Variants in ENOPH1 observed in about 807,000 individuals in gnomAD.
ENOPH1 encodes enolase-phosphatase E1.
In ENOPH1, 14 loss-of-function variants were observed where a neutral mutation model predicts 31.1. The ratio of observed to expected loss-of-function variants is 0.45; its 90% CI spans 0.30 to 0.70. The LOEUF is 0.70. Among genes scored for constraint, ENOPH1 ranks in the 30% least tolerant of loss-of-function variants. The pLI, the probability that ENOPH1 is intolerant of heterozygous loss-of-function variation, is 0.09. For synonymous variants in ENOPH1, 127 were observed against 123.2 expected (o/e 1.03, Z -0.21); for missense variants, 243 against 321.5 (o/e 0.76, Z 1.87).
At chr4:82,454,620 C>T in intron 3 of ENOPH1, 102 bp from the exon 4 acceptor site, 1 of 1,309,588 alleles carries the variant, frequency 7.6e-7, no homozygotes, top group Non-Finnish European at 1.0e-6. Context: ...CTCAGGTTAC[C>T]ATGTGGGCAC....
At chr4:82,431,710 C>T (rs183050794) in intron 1 of ENOPH1, among the ~76,000 whole-genome samples, 75 of 152,166 alleles carry the variant, frequency 4.9e-4, no homozygotes, top group Non-Finnish European at 9.4e-4. Flanking sequence ...TTCCTCGGGC[C>T]TTGTCTTTTT....
chr4:82,450,805 C>T lies in ENOPH1; in HGVS notation c.187-238C>T, dbSNP rs542967739. On this transcript the variant is annotated intron_variant, in intron 2 of 5. Coordinates refer to ENST00000273920, the MANE Select transcript of ENOPH1 (RefSeq NM_021204.5). Reference sequence around the variant, plus strand: ...ATTATGTGCTCTCTCTTCTCATATACAACATGCGTCTCAGTTTAAATTTCA... The same window carrying T: ...ATTATGTGCTCTCTCTTCTCATATATAACATGCGTCTCAGTTTAAATTTCA... Among the ~76,000 whole-genome samples the T allele has an allele frequency of 1.2e-3, 176 of 152,320 alleles. 1 individual carries two copies. Among genetic ancestry groups the T allele is most frequent in the Non-Finnish European group, 2.3e-3 (155 of 68,018 alleles).
intron 1 of ENOPH1, among the ~76,000 whole-genome samples, chr4:82,443,853 TTTTA>T (rs1722106128): frequency 6.6e-6 from 1 of 152,032 alleles, no homozygotes; most frequent in African/African-American, 2.4e-5. Context: ...AGGGCTTTTG[TTTTA>T]TTTATTATTT....
chr4:82,451,718 T>C (rs1321194876), intron 3 of ENOPH1, among the ~76,000 whole-genome samples: 1 of 152,212 alleles, frequency 6.6e-6, no homozygotes, highest in East Asian at 1.9e-4. Context: ...CACAGATTCT[T>C]TGAGTCTTGG....
At position 82,439,145 on chromosome 4, in the gene ENOPH1, T is replaced by C. The variant is rs562868454; in HGVS notation, c.84+8232T>C. 5.9e-5 allele frequency among the ~76,000 whole-genome samples: 9 copies of C among 152,332 alleles called. No homozygotes were observed. In the South Asian group the frequency reaches 1.0e-3, roughly 18 times the overall value. On this transcript the variant is annotated intron_variant, in intron 1 of 5. Coordinates refer to ENST00000273920, the MANE Select transcript of ENOPH1 (RefSeq NM_021204.5). Reference sequence around the variant, plus strand: ...ACCATTTCAGGAAAATGGGTTTCTTTTCAAAGACAGAATGTCTTTAGGACA... The same window carrying C: ...ACCATTTCAGGAAAATGGGTTTCTTCTCAAAGACAGAATGTCTTTAGGACA...
At position 82,447,938 on chromosome 4, in the gene ENOPH1, A is replaced by C; in HGVS notation, c.103A>C (p.Ile35Leu). The C allele has an allele frequency of 3.1e-6, 5 of 1,607,996 alleles. No individual in the cohort carries two copies. Among genetic ancestry groups the C allele is most frequent in the Non-Finnish European group, 4.2e-6 (5 of 1,176,520 alleles). Residue 35 changes from isoleucine to leucine, a missense_variant, in exon 2 of 6, where the codon ATC becomes CTC. By Grantham distance (5) the Ile-to-Leu change is conservative. Coordinates refer to ENST00000273920, the MANE Select transcript of ENOPH1 (RefSeq NM_021204.5). ...TATCCAGGACATTTTATTTCCTTAC[A>C]TCGAAGAAAATGTTAAAGAGTATCT... ...AFVKDILFPY[I>L]EENVKEYLQT... is the part of the protein sequence containing the mutation.
chr4:82,443,162 C>G (rs1488685298), intron 1 of ENOPH1, among the ~76,000 whole-genome samples: 8 of 152,126 alleles, frequency 5.3e-5, no homozygotes, highest in Admixed American at 5.2e-4. Context: ...TGGGGCCGGT[C>G]ATGGTGGCTC....
At chr4:82,431,160 G>A (rs1429089523) in intron 1 of ENOPH1, among the ~76,000 whole-genome samples, 7 of 152,226 alleles carry the variant, frequency 4.6e-5, no homozygotes, top group Non-Finnish European at 1.0e-4. Flanking sequence ...AGGGATGGAA[G>A]TTGACGCTAA....
At chr4:82,456,175 A>C (rs1054693469) in intron 4 of ENOPH1, among the ~76,000 whole-genome samples, 32 of 150,200 alleles carry the variant, frequency 2.1e-4, no homozygotes, top group South Asian at 4.2e-4. Context: ...GAAAATAAGC[A>C]AAATCAGTTT....
intron 2 of ENOPH1, among the ~76,000 whole-genome samples, chr4:82,448,433 TG>T (rs1299034951): frequency 6.6e-6 from 1 of 151,716 alleles, no homozygotes; most frequent in Admixed American, 6.6e-5. Context: ...GCTAATTTTT[TG>T]TATTTTTAGT....
chr4:82,447,419 G>A lies in ENOPH1; in HGVS notation c.85-501G>A, dbSNP rs1205596128. ...CCATTCTTTTCAGCAGATTATTTGA[G>A]TGATATGTACAATAATGTGGTATGC... On this transcript the variant is annotated intron_variant, in intron 1 of 5. Coordinates refer to ENST00000273920, the MANE Select transcript of ENOPH1 (RefSeq NM_021204.5). Among the ~76,000 whole-genome samples, 3 of 152,210 alleles carry A rather than the reference G, an allele frequency of 2.0e-5. No homozygotes were observed. The Middle Eastern group carries it at 0.01, about 518-fold the overall frequency.
In ENOPH1 at chr4:82,460,094, G is replaced by A; in HGVS notation, c.760G>A (p.Glu254Lys). ...CTACAGCCTCATCACATCCTTCAGT[G>A]AACTATACCTGCCTTCCTCAACCTA... is the stretch of plus-strand genomic sequence containing the variant. ...TYYSLITSFS[E>K]LYLPSST is the part of the protein sequence containing the mutation. Residue 254 changes from glutamate to lysine, a missense_variant, in exon 6 of 6, where the codon GAA becomes AAA. Glu to Lys is a moderately conservative substitution (Grantham distance 56). Transcript: ENST00000273920. The A allele has an allele frequency of 6.2e-7, 1 of 1,614,198 alleles. No individual in the cohort carries two copies. Among genetic ancestry groups the A allele is most frequent in the Non-Finnish European group, 8.5e-7 (1 of 1,180,038 alleles).
chr4:82,444,783 C>T (rs1722137754), intron 1 of ENOPH1, among the ~76,000 whole-genome samples: 1 of 152,140 alleles, frequency 6.6e-6, no homozygotes, highest in African/African-American at 2.4e-5. Flanking sequence ...GTATGTACTG[C>T]TAAATCATAA....
chr4:82,460,426 A>G lies in ENOPH1; in HGVS notation c.*306A>G. The stretch of plus-strand genomic sequence containing the variant: ...TTGCTAAATACCTATCTAATGTGCT[A>G]TGTTTATCAAATCGTGTACTAAAAT... On this transcript the variant is annotated 3_prime_UTR_variant, in exon 6 of 6. Coordinates refer to ENST00000273920, the MANE Select transcript of ENOPH1 (RefSeq NM_021204.5). 1.0e-5 allele frequency: 2 copies of G among 200,188 alleles called. No individual in the cohort carries two copies. Among genetic ancestry groups the G allele is most frequent in the Non-Finnish European group, 1.0e-5 (1 of 100,100 alleles). The allele number at this position is 200,188 out of a possible 1,614,324, so 12.4% of individuals were successfully genotyped here. A position where few individuals can be genotyped will look rare whatever the true frequency, so the allele number is the denominator to read the frequency against.
At chr4:82,456,472 T>G (rs1212564805) in intron 4 of ENOPH1, among the ~76,000 whole-genome samples, 2 of 152,206 alleles carry the variant, frequency 1.3e-5, no homozygotes, top group South Asian at 2.1e-4. Context: ...AATGAGAATT[T>G]CTTGTAAGTA....
chr4:82,450,903 A>C, intron 2 of ENOPH1, 140 bp from the exon 3 acceptor site: 1 of 626,510 alleles, frequency 1.6e-6, no homozygotes, highest in South Asian at 2.0e-5. Flanking sequence ...TATCAGCTCC[A>C]AAGTATATGA....
intron 4 of ENOPH1, 128 bp from the exon 5 acceptor site, chr4:82,456,787 C>T: frequency 8.4e-7 from 1 of 1,187,726 alleles, no homozygotes; most frequent in Non-Finnish European, 1.2e-6. Context: ...ATAAAGTTCC[C>T]TATTAAGTAG....
intron 4 of ENOPH1, among the ~76,000 whole-genome samples, chr4:82,456,348 A>G (rs1460698012): frequency 6.6e-6 from 1 of 151,900 alleles, no homozygotes; most frequent in South Asian, 2.1e-4. Context: ...ATATGGACTT[A>G]TTTTAATTAC....
chr4:82,446,681 G>A (rs1053007186), intron 1 of ENOPH1, among the ~76,000 whole-genome samples: 2 of 79,820 alleles, frequency 2.5e-5, no homozygotes, highest in African/African-American at 1.6e-4. Flanking sequence ...TTTTTTGTGT[G>A]ACGGAATCTT....
Sources: allele counts gnomAD v4.1 joint callset (sites outside exome capture counted in the v4.1 genomes callset), GRCh38; gene constraint gnomAD v4.1.1; transcripts MANE v1.5; gene names NCBI Gene and HGNC (gene_info 2026-07-23, HGNC 2026-07-21).